HDAC9: variants seen among roughly 807,000 people sequenced by gnomAD.
The protein encoded by HDAC9 is histone deacetylase 9.
Under a neutral mutation model 139.4 loss-of-function variants are expected in HDAC9, and 41 were observed. The ratio of observed to expected loss-of-function variants is 0.29; its 90% confidence interval spans 0.23 to 0.38. HDAC9 has a LOEUF of 0.38. HDAC9 is among the 10% of genes least tolerant of loss of function. The pLI is 1.00. For synonymous variants in HDAC9, 517 were observed against 476.2 expected (o/e 1.09, Z -1.12); for missense variants, 1,147 against 1,297.0 (o/e 0.88, Z 1.78).
intron 1 of HDAC9, among the ~76,000 whole-genome samples, chr7:18,413,738 C>A (rs1372167444): frequency 6.6e-6 from 1 of 152,088 alleles, no homozygotes; most frequent in Non-Finnish European, 1.5e-5. Context: ...ATTCTGTATA[C>A]TGTACTTAGA....
chr7:18,545,751 AAATG>A (rs945761630), intron 2 of HDAC9, among the ~76,000 whole-genome samples: 3 of 152,314 alleles, frequency 2.0e-5, no homozygotes, highest in Non-Finnish European at 4.4e-5. Context: ...GGCAGGTATG[AAATG>A]AATGAAAGGG....
chr7:18,122,069 G>A (rs1784396795), intron 1 of HDAC9, among the ~76,000 whole-genome samples: 1 of 152,140 alleles, frequency 6.6e-6, no homozygotes. Flanking sequence ...GGTATCAGCA[G>A]AATTTAAGTA....
chr7:18,885,139 G>A (rs574634502), intron 22 of HDAC9, among the ~76,000 whole-genome samples: 56 of 152,324 alleles, frequency 3.7e-4, no homozygotes, highest in Admixed American at 1.7e-3. Flanking sequence ...CAAGGACTGC[G>A]GAGGGCAATG....
intron 2 of HDAC9, among the ~76,000 whole-genome samples, chr7:18,236,875 T>C (rs969921707): frequency 6.6e-6 from 1 of 152,170 alleles, no homozygotes; most frequent in Non-Finnish European, 1.5e-5. Flanking sequence ...CCTGACCTGA[T>C]TGTGCTTAGT....
chr7:18,206,930 CTTT>C (rs58248823), intron 2 of HDAC9, among the ~76,000 whole-genome samples: 17 of 124,476 alleles, frequency 1.4e-4, no homozygotes, highest in Admixed American at 1.7e-4. Flanking sequence ...GATATCTTTT[CTTT>C]TTTTTTTTTT....
intron 2 of HDAC9, among the ~76,000 whole-genome samples, chr7:18,194,638 T>G (rs1158975807): frequency 6.6e-6 from 1 of 152,152 alleles, no homozygotes; most frequent in Non-Finnish European, 1.5e-5. Flanking sequence ...ATCCCCTAAT[T>G]ATTTCTCTGG....
At chr7:18,559,878 A>G (rs75286344) in intron 2 of HDAC9, among the ~76,000 whole-genome samples, 1 of 152,210 alleles carries the variant, frequency 6.6e-6, no homozygotes, top group Non-Finnish European at 1.5e-5. Flanking sequence ...AATGCTGGCT[A>G]TACCACCTAA....
chr7:18,419,238 G>GA lies in HDAC9; in HGVS notation c.-41-77018dup, dbSNP rs558754852. On this transcript the variant is annotated intron_variant, in intron 1 of 3. Transcript: ENST00000413509. ...TTTGTCATGAACATATGACCAATGAGAAAAAATGCCTTTTTAACTATGATA... is the reference window on the plus strand; with the variant it reads ...TTTGTCATGAACATATGACCAATGAGAAAAAAATGCCTTTTTAACTATGATA... Among the ~76,000 whole-genome samples, 32 of 152,138 alleles carry GA rather than the reference G, an allele frequency of 2.1e-4. No homozygotes were observed. In the South Asian group the frequency reaches 6.2e-3, roughly 30 times the overall value.
At chr7:18,263,601 G>A (rs1795814808) in intron 2 of HDAC9, among the ~76,000 whole-genome samples, 1 of 134,302 alleles carries the variant, frequency 7.4e-6, no homozygotes, top group Admixed American at 8.5e-5. Flanking sequence ...CTTGGTAAGA[G>A]TTTATAATTG....
intron 25 of HDAC9, among the ~76,000 whole-genome samples, chr7:18,991,513 T>A (rs1417141294): frequency 1.3e-5 from 2 of 152,108 alleles, no homozygotes; most frequent in African/African-American, 4.8e-5. Flanking sequence ...GGCAGGCACC[T>A]GTAGTCCCAG....
At chr7:18,542,459 T>C (rs952907456) in intron 2 of HDAC9, among the ~76,000 whole-genome samples, 2 of 152,198 alleles carry the variant, frequency 1.3e-5, no homozygotes, top group African/African-American at 4.8e-5. Flanking sequence ...AAGTTAATAT[T>C]TGAATAATCA....
At chr7:18,832,167 A>G (rs1795901249) in intron 19 of HDAC9, among the ~76,000 whole-genome samples, 1 of 152,248 alleles carries the variant, frequency 6.6e-6, no homozygotes, top group South Asian at 2.1e-4. Context: ...TTAGGGGATT[A>G]ACTTGTCCTA....
At chr7:18,732,763 A>ATGTGTACACACACGTGTGTT (rs1562892557) in intron 13 of HDAC9, among the ~76,000 whole-genome samples, 1 of 70,094 alleles carries the variant, frequency 1.4e-5, no homozygotes, top group Non-Finnish European at 2.5e-5. Context: ...ACACACGTGT[A>ATGTGTACACACACGTGTGTT]TGTGTGCGTA....
chr7:18,213,317 T>A (rs760891137), intron 2 of HDAC9, among the ~76,000 whole-genome samples: 1 of 152,124 alleles, frequency 6.6e-6, no homozygotes, highest in African/African-American at 2.4e-5. Context: ...TACAACCTCA[T>A]GTATATATAA....
intron 2 of HDAC9, among the ~76,000 whole-genome samples, chr7:18,243,170 T>C (rs1737747162): frequency 6.6e-6 from 1 of 152,250 alleles, no homozygotes. Flanking sequence ...ATTTTCTGTA[T>C]TACTAGTGTA....
intron 1 of HDAC9, among the ~76,000 whole-genome samples, chr7:18,368,071 G>T (rs796688683): frequency 1.1e-4 from 17 of 152,078 alleles, no homozygotes; most frequent in African/African-American, 3.6e-4. Context: ...TACTAATCCC[G>T]TGTCAATTTT....
At chr7:18,974,594 T>A (rs1010534819) in intron 24 of HDAC9, among the ~76,000 whole-genome samples, 1 of 152,206 alleles carries the variant, frequency 6.6e-6, no homozygotes, top group African/African-American at 2.4e-5. Flanking sequence ...TTGGTCAGAA[T>A]AAGGGATCAC....
chr7:18,631,616 T>C (rs1030748215), intron 7 of HDAC9, among the ~76,000 whole-genome samples: 4 of 152,088 alleles, frequency 2.6e-5, no homozygotes, highest in Admixed American at 2.0e-4. Flanking sequence ...GTGTAAGCTC[T>C]TTTCAAACTC....
intron 2 of HDAC9, among the ~76,000 whole-genome samples, chr7:18,233,908 G>A (rs1030569870): frequency 2.0e-5 from 3 of 152,012 alleles, no homozygotes; most frequent in South Asian, 4.1e-4. Flanking sequence ...TTGGCAAATA[G>A]GTAAACCAAG....
Sources: allele counts gnomAD v4.1 joint callset (sites outside exome capture counted in the v4.1 genomes callset), GRCh38; gene constraint gnomAD v4.1.1; transcripts MANE v1.5; gene names NCBI Gene and HGNC (gene_info 2026-07-23, HGNC 2026-07-21).